Variants in LRRC4C observed in about 807,000 individuals in gnomAD.
LRRC4C encodes leucine-rich repeat-containing protein 4C.
Under a neutral mutation model 33.6 loss-of-function variants are expected in LRRC4C, and 5 were observed. The observed-to-expected ratio is 0.15, with a 90% CI of 0.08 to 0.31. The LOEUF is 0.31. Ranked by LOEUF, LRRC4C falls within the 10% of genes least tolerant of loss-of-function variation. LRRC4C has a pLI of 1.00. For missense variants in LRRC4C, 560 were observed against 796.7 expected (o/e 0.70, Z 3.58); for synonymous variants, 329 against 302.0 (o/e 1.09, Z -0.93).
chr11:41,099,985 C>T (rs1025807356), intron 1 of LRRC4C, among the ~76,000 whole-genome samples: 2 of 152,042 alleles, frequency 1.3e-5, no homozygotes, highest in African/African-American at 2.4e-5. Flanking sequence ...ACAACTTGAG[C>T]AAAGTCTCGG....
chr11:40,634,000 T>G (rs1400811488), intron 3 of LRRC4C, among the ~76,000 whole-genome samples: 1 of 152,212 alleles, frequency 6.6e-6, no homozygotes, highest in Non-Finnish European at 1.5e-5. Flanking sequence ...CATTCTTCTC[T>G]TAATTAAGTA....
In LRRC4C at chr11:41,130,364, T is replaced by G. The variant is rs78116791; in HGVS notation, c.-495-196641A>C. On this transcript the variant is annotated intron_variant, in intron 1 of 6. Transcript: ENST00000528697. ...AAAAAATCTTCACTATTCTTCTTTC[T>G]TCTAGTCTATTTTAATTCATCTTGA... Among the ~76,000 whole-genome samples, 641 of 152,104 alleles carry G rather than the reference T, an allele frequency of 4.2e-3. 4 individuals carry two copies. Among genetic ancestry groups the G allele is most frequent in the African/African-American group, 0.015 (605 of 41,568 alleles).
chr11:41,239,394 CT>C (rs1948160801), intron 1 of LRRC4C, among the ~76,000 whole-genome samples: 3 of 147,458 alleles, frequency 2.0e-5, no homozygotes, highest in Middle Eastern at 3.6e-3. Flanking sequence ...TGCCAAAATA[CT>C]ATTAATGGTC....
intron 2 of LRRC4C, among the ~76,000 whole-genome samples, chr11:40,865,587 T>C (rs571449586): frequency 2.0e-5 from 3 of 151,254 alleles, no homozygotes; most frequent in African/African-American, 7.3e-5. Flanking sequence ...ATCTCTCAGT[T>C]TCAAAAATAA....
At chr11:40,850,016 G>A (rs1953402261) in intron 2 of LRRC4C, among the ~76,000 whole-genome samples, 1 of 151,690 alleles carries the variant, frequency 6.6e-6, no homozygotes. Context: ...GGTTATTCTA[G>A]TTAGAAATTC....
intron 1 of LRRC4C, among the ~76,000 whole-genome samples, chr11:40,992,770 G>A (rs1653251918): frequency 1.3e-5 from 2 of 152,070 alleles, no homozygotes; most frequent in Non-Finnish European, 2.9e-5. Context: ...TGGGTCTACT[G>A]TTTAGTATTC....
At chr11:41,389,677 G>T (rs949257358) in intron 1 of LRRC4C, among the ~76,000 whole-genome samples, 28 of 89,870 alleles carry the variant, frequency 3.1e-4, no homozygotes, top group African/African-American at 1.2e-3. Context: ...TTCTTGAAAA[G>T]AGGTGCTTCT....
rs936011871 is a variant in LRRC4C at position 40,356,009 on chromosome 11, C to T, written c.-269-36288G>A. Among the ~76,000 whole-genome samples, 7 of 116,590 alleles carry T rather than the reference C, an allele frequency of 6.0e-5. No individual in the cohort carries two copies. The Admixed American group carries it at 6.1e-4, about 10-fold the overall frequency. The allele number at this position is 116,590 out of a possible 152,430, so 76.5% of individuals were successfully genotyped here. A position where few individuals can be genotyped will look rare whatever the true frequency, so the allele number is the denominator to read the frequency against. ...GTATAGTATAGTATGAGATTAAGTG[C>T]ATAAACTGAGAAGTCAGACTCAATG... On this transcript the variant is annotated intron_variant, in intron 3 of 6. Transcript: ENST00000528697.
chr11:41,170,074 A>C (rs2136087684), intron 1 of LRRC4C, among the ~76,000 whole-genome samples: 1 of 152,260 alleles, frequency 6.6e-6, no homozygotes, highest in South Asian at 2.1e-4. Flanking sequence ...GCACTCTCAT[A>C]ACTTCAAATT....
At chr11:41,075,852 T>A (rs563437288) in intron 1 of LRRC4C, among the ~76,000 whole-genome samples, 1 of 152,346 alleles carries the variant, frequency 6.6e-6, no homozygotes, top group African/African-American at 2.4e-5. Context: ...AATTGCTAAA[T>A]CCTAGTTGTC....
intron 1 of LRRC4C, among the ~76,000 whole-genome samples, chr11:41,218,763 A>ATTTTTT (rs1184491274): frequency 2.6e-4 from 28 of 108,904 alleles, no homozygotes; most frequent in Non-Finnish European, 3.9e-4. Flanking sequence ...TGCATATGTC[A>ATTTTTT]TTTTTTTTTT....
chr11:41,390,681 A>G (rs547347506), intron 1 of LRRC4C, among the ~76,000 whole-genome samples: 1 of 151,930 alleles, frequency 6.6e-6, no homozygotes, highest in African/African-American at 2.4e-5. Context: ...TCCACTTTGA[A>G]TTAGGGTAAG....
chr11:40,679,974 C>CACTCAAAGCAGCACTCAA (rs1944597237), intron 2 of LRRC4C, among the ~76,000 whole-genome samples: 1 of 152,142 alleles, frequency 6.6e-6, no homozygotes, highest in Non-Finnish European at 1.5e-5. Flanking sequence ...CAACGCCAGC[C>CACTCAAAGCAGCACTCAA]CGTGAAAGCA....
intron 3 of LRRC4C, among the ~76,000 whole-genome samples, chr11:40,457,933 A>T (rs1952211810): frequency 1.3e-5 from 2 of 152,062 alleles, no homozygotes; most frequent in African/African-American, 2.4e-5. Context: ...TCAAATTCTC[A>T]CCTGGTTATG....
chr11:40,142,143 A>G (rs1207939203), intron 5 of LRRC4C, among the ~76,000 whole-genome samples: 1 of 151,830 alleles, frequency 6.6e-6, no homozygotes, highest in Non-Finnish European at 1.5e-5. Flanking sequence ...ATTAGCCAGC[A>G]TGGTGGTGCA....
intron 3 of LRRC4C, among the ~76,000 whole-genome samples, chr11:40,379,535 G>T (rs1948783726): frequency 1.3e-5 from 2 of 152,042 alleles, no homozygotes; most frequent in Non-Finnish European, 2.9e-5. Context: ...ATCTTTCAAA[G>T]CTGAAAGTCT....
chr11:40,309,580 A>C (rs1945202634), intron 4 of LRRC4C, among the ~76,000 whole-genome samples: 1 of 150,154 alleles, frequency 6.7e-6, no homozygotes, highest in Non-Finnish European at 1.5e-5. Context: ...ATCTCAGCTC[A>C]CTGCAACCTC....
At chr11:40,577,238 C>G (rs1958230593) in intron 3 of LRRC4C, among the ~76,000 whole-genome samples, 1 of 152,214 alleles carries the variant, frequency 6.6e-6, no homozygotes, top group Non-Finnish European at 1.5e-5. Flanking sequence ...TCCAATTCTT[C>G]TTTACCTAGT....
chr11:40,604,652 A>G (rs968788871), intron 3 of LRRC4C, among the ~76,000 whole-genome samples: 1 of 152,156 alleles, frequency 6.6e-6, no homozygotes, highest in African/African-American at 2.4e-5. Flanking sequence ...TCAAAATTAA[A>G]GTATGTTTTA....
Sources: gnomAD v4.1 joint callset for allele counts (sites outside exome capture counted in the v4.1 genomes callset) on GRCh38, gnomAD v4.1.1 for gene constraint, MANE v1.5 for transcripts, NCBI Gene and HGNC (gene_info 2026-07-23, HGNC 2026-07-21) for gene names.